Variants in KDM4B observed in about 807,000 individuals in gnomAD.
KDM4B encodes lysine-specific demethylase 4B.
Under a neutral mutation model 125.2 loss-of-function variants are expected in KDM4B, and 32 were observed. The observed-to-expected ratio is 0.26, with a 90% CI of 0.19 to 0.34. The LOEUF (loss-of-function observed/expected upper bound fraction) is 0.34, where lower values mean the gene tolerates loss of function less well. KDM4B is among the 10% of genes least tolerant of loss of function. KDM4B has a pLI of 1.00. For missense variants in KDM4B, 1,190 were observed against 1,577.7 expected, an observed-to-expected ratio of 0.75 and a Z score of 4.16; for synonymous variants, 721 against 677.9, an observed-to-expected ratio of 1.06 and a Z score of -0.99.
chr19:5,092,493 G>A (rs2038729850), intron 9 of KDM4B, among the ~76,000 whole-genome samples: 1 of 152,210 alleles, frequency 6.6e-6, no homozygotes. Context: ...AGGAGCTCCG[G>A]GGGGGACACA....
chr19:5,002,398 T>C (rs1303839418), intron 1 of KDM4B, among the ~76,000 whole-genome samples: 1 of 151,182 alleles, frequency 6.6e-6, no homozygotes, highest in Non-Finnish European at 1.5e-5. Flanking sequence ...CTCCTTTCCT[T>C]TCCTTTCTCT....
chr19:5,119,791 C>G lies in KDM4B; in HGVS notation c.1254C>G (p.Pro418=), dbSNP rs544905618. 1.4e-4 allele frequency: 214 copies of G among 1,542,414 alleles called. No homozygotes were observed. In the African/African-American group the frequency reaches 2.8e-3, roughly 20 times the overall value. ...VKEEAGPEVD[P]EEEEEEPQPL... The stretch of plus-strand genomic sequence containing the variant: ...AGGAGGCTGGGCCGGAGGTTGACCC[C>G]GAGGAGGAGGAGGAGGAGCCGCAGC... The change falls in exon 11 of 23, where the codon CCC becomes CCG. Residue 418 remains proline (P), a synonymous_variant. Coordinates refer to ENST00000159111, the MANE Select transcript of KDM4B (RefSeq NM_015015.3).
intron 1 of KDM4B, among the ~76,000 whole-genome samples, chr19:5,004,918 C>T (rs1332675247): frequency 6.6e-6 from 1 of 152,180 alleles, no homozygotes; most frequent in Non-Finnish European, 1.5e-5. Context: ...AGGAGCATCC[C>T]GGGCAAAGTG....
Position 5,039,846 on chromosome 19 carries a change from C to T in KDM4B, c.152C>T (p.Pro51Leu), listed in dbSNP as rs2036748909. The T allele has an allele frequency of 1.9e-6, 3 of 1,612,302 alleles. No individual in the cohort carries two copies. Among genetic ancestry groups the T allele is most frequent in the African/African-American group, 1.3e-5 (1 of 74,890 alleles). The change falls in exon 4 of 23, where the codon CCG (proline) becomes CTG (leucine). Residue 51 changes from proline (P) to leucine (L), a missense_variant. Around this residue, in one of 7 missense-constraint regions of KDM4B, gnomAD observed 139 missense variants for 248.3 expected, o/e 0.56. Coordinates refer to ENST00000159111, the MANE Select transcript of KDM4B (RefSeq NM_015015.3). ...ATCTTGGTCTTGCAGATCATCCCCC[C>T]GAAGGAGTGGAAGCCGCGGCAGACG... ...HRAGLAKIIP[P>L]KEWKPRQTYD...
At chr19:4,983,054 A>G (rs2034700332) in intron 1 of KDM4B, among the ~76,000 whole-genome samples, 1 of 152,002 alleles carries the variant, frequency 6.6e-6, no homozygotes, top group Non-Finnish European at 1.5e-5. Context: ...TGAACCCAGT[A>G]TACCCCCAGT....
At chr19:5,030,190 T>C (rs1440622120) in intron 2 of KDM4B, among the ~76,000 whole-genome samples, 1 of 152,162 alleles carries the variant, frequency 6.6e-6, no homozygotes. Flanking sequence ...CACTGAAGCC[T>C]CGACCTCCCA....
intron 10 of KDM4B, among the ~76,000 whole-genome samples, chr19:5,117,556 A>T (rs1177115567): frequency 6.6e-6 from 1 of 152,098 alleles, no homozygotes; most frequent in Non-Finnish European, 1.5e-5. Context: ...GCCGGTCTGA[A>T]GCTTCCTCCT....
chr19:5,010,762 C>G (rs1464298074), intron 1 of KDM4B, among the ~76,000 whole-genome samples: 1 of 152,214 alleles, frequency 6.6e-6, no homozygotes, highest in Non-Finnish European at 1.5e-5. Context: ...ATTCTCCTGC[C>G]TCAGCCTCCC....
At chr19:4,994,443 G>A (rs1200804702) in intron 1 of KDM4B, among the ~76,000 whole-genome samples, 2 of 151,726 alleles carry the variant, frequency 1.3e-5, no homozygotes, top group Non-Finnish European at 2.9e-5. Flanking sequence ...CATGCCTGTA[G>A]TCCCAGCTAC....
Position 5,131,813 on chromosome 19 carries a change from CCT to C in KDM4B, c.1786-73_1786-72del, listed in dbSNP as rs1304306275. The C allele has an allele frequency of 1.3e-5, 21 of 1,594,544 alleles. No individual in the cohort carries two copies. In the African/African-American group the frequency reaches 1.5e-4, roughly 11 times the overall value. ...ACTCAGGCCTCAGGCACGCCGAGCCCCTGTGTGGCTCCGAGGGAGCCCCACCC... is the reference window on the plus strand; with the variant it reads ...ACTCAGGCCTCAGGCACGCCGAGCCCGTGTGGCTCCGAGGGAGCCCCACCC... On this transcript the variant is annotated intron_variant, in intron 12 of 22. Coordinates refer to ENST00000159111, the MANE Select transcript of KDM4B (RefSeq NM_015015.3).
intron 10 of KDM4B, among the ~76,000 whole-genome samples, chr19:5,119,417 G>A (rs1599225280): frequency 6.6e-6 from 1 of 152,068 alleles, no homozygotes; most frequent in Non-Finnish European, 1.5e-5. Flanking sequence ...CACCGTCCCC[G>A]CCGTGTCCAT....
intron 1 of KDM4B, among the ~76,000 whole-genome samples, chr19:4,990,950 G>A (rs1185637189): frequency 6.6e-6 from 1 of 151,942 alleles, no homozygotes; most frequent in Non-Finnish European, 1.5e-5. Context: ...GTGAAACCTC[G>A]TCTTTACTAA....
At chr19:5,091,950 C>G (rs990058937) in intron 9 of KDM4B, among the ~76,000 whole-genome samples, 6 of 152,092 alleles carry the variant, frequency 3.9e-5, no homozygotes, top group Admixed American at 2.6e-4. Context: ...CTTGCTCTTC[C>G]CAGATCTTCC....
chr19:5,063,069 G>C (rs922125056), intron 6 of KDM4B, among the ~76,000 whole-genome samples: 1 of 152,024 alleles, frequency 6.6e-6, no homozygotes, highest in African/African-American at 2.4e-5. Flanking sequence ...GTGCTGTGAT[G>C]ATGGGCAGGT....
At chr19:5,143,464 G>A (rs1176962644) in intron 18 of KDM4B, among the ~76,000 whole-genome samples, 2 of 152,106 alleles carry the variant, frequency 1.3e-5, no homozygotes. Flanking sequence ...CCCATTACCA[G>A]TCGCTCCCAT....
intron 9 of KDM4B, among the ~76,000 whole-genome samples, chr19:5,095,523 G>A (rs2038802942): frequency 6.6e-6 from 1 of 152,260 alleles, no homozygotes; most frequent in Non-Finnish European, 1.5e-5. Flanking sequence ...GTCTGCAGGT[G>A]GCCAGGGTCC....
chr19:5,056,885 GGGGCGGGGAGTC>G (rs1257709353), intron 6 of KDM4B, among the ~76,000 whole-genome samples: 8 of 56,882 alleles, frequency 1.4e-4, no homozygotes, highest in South Asian at 1.5e-3. Flanking sequence ...CGGGGACGCT[GGGGCGGGGAGTC>G]CTGGGGCGGG....
chr19:5,134,112 G>A, intron 14 of KDM4B, 51 bp downstream of exon 14: 2 of 1,528,366 alleles, frequency 1.3e-6, no homozygotes, highest in Admixed American at 3.7e-5. Flanking sequence ...AGGGGCGGTG[G>A]GAGAGGGCGA....
chr19:5,071,453 A>G (rs1474306218), intron 7 of KDM4B, among the ~76,000 whole-genome samples: 11 of 152,212 alleles, frequency 7.2e-5, no homozygotes, highest in Admixed American at 5.9e-4. Flanking sequence ...AAAGGAGACA[A>G]TTCAGCCAGC....
Sources: allele counts gnomAD v4.1 joint callset (sites outside exome capture counted in the v4.1 genomes callset), GRCh38; gene constraint gnomAD v4.1.1; regional missense constraint gnomAD v4.1.1; transcripts MANE v1.5; gene names NCBI Gene and HGNC (gene_info 2026-07-23, HGNC 2026-07-21).